Variants in PTCD3 observed in about 807,000 individuals in gnomAD.
The protein encoded by PTCD3 is pentatricopeptide repeat domain 3.
Under a neutral mutation model 101.9 loss-of-function variants are expected in PTCD3, and 89 were observed. The ratio of observed to expected loss-of-function variants is 0.87; its 90% CI spans 0.74 to 1.04. The LOEUF (loss-of-function observed/expected upper bound fraction) is 1.04. Ranked by LOEUF, PTCD3 falls within the 50% of genes least tolerant of loss-of-function variation. PTCD3 has a pLI of 0.00. For missense variants in PTCD3, 870 were observed against 828.2 expected, an observed-to-expected ratio of 1.05 and a Z score of -0.62; for synonymous variants, 296 against 278.5, an observed-to-expected ratio of 1.06 and a Z score of -0.63.
chr2:86,132,592 A>T, intron 17 of PTCD3, 168 bp downstream of exon 17: 2 of 420,644 alleles, frequency 4.8e-6, no homozygotes, highest in Non-Finnish European at 4.2e-6. Context: ...AAACTGCCAG[A>T]TTTGAAAGAC....
intron 7 of PTCD3, among the ~76,000 whole-genome samples, chr2:86,120,078 G>A (rs1482912246): frequency 1.3e-5 from 2 of 152,268 alleles, no homozygotes; most frequent in Non-Finnish European, 2.9e-5. Context: ...GAGAATTTTG[G>A]TGTGTGGCTT....
intron 3 of PTCD3, among the ~76,000 whole-genome samples, chr2:86,109,510 C>A (rs542594323): frequency 6.6e-6 from 1 of 152,164 alleles, no homozygotes; most frequent in East Asian, 1.9e-4. Context: ...CCAGTGATGT[C>A]AATGCATAGG....
In PTCD3 at chr2:86,111,126, G is replaced by A. The variant is rs78436829; in HGVS notation, c.208G>A (p.Val70Ile). Residue 70 changes from valine (V) to isoleucine (I), a missense_variant, in exon 4 of 24, where the codon GTT (valine) becomes ATT (isoleucine). By Grantham distance (29) the Val-to-Ile change is conservative (BLOSUM62 3). Coordinates refer to ENST00000254630, the MANE Select transcript of PTCD3 (RefSeq NM_017952.6). ...PKKKTWDKVA[V>I]LQALASTVNR... ...TCTTATTTTTAGGGATAAAGTAGCC[G>A]TTCTTCAGGCACTTGCATCCACAGT... 7,939 of 1,613,586 alleles carry A rather than the reference G, an allele frequency of 4.9e-3. 34 individuals are homozygous for A. Among genetic ancestry groups the A allele is most frequent in the South Asian group, 6.0e-3 (546 of 91,062 alleles).
At chr2:86,108,710 A>C in intron 3 of PTCD3, 174 bp downstream of exon 3, 3 of 549,008 alleles carry the variant, frequency 5.5e-6, no homozygotes, top group Non-Finnish European at 9.6e-6. Flanking sequence ...AAAGGTGGAG[A>C]ATAGTGAGTG....
At chr2:86,106,706 G>C (rs969131207) in intron 1 of PTCD3, among the ~76,000 whole-genome samples, 1 of 152,196 alleles carries the variant, frequency 6.6e-6, no homozygotes, top group African/African-American at 2.4e-5. Flanking sequence ...CAGGAGGAGC[G>C]AGGAGAACGT....
intron 11 of PTCD3, 138 bp from the exon 12 acceptor site, chr2:86,125,657 C>T (rs1358880971): frequency 9.1e-7 from 1 of 1,099,550 alleles, no homozygotes; most frequent in East Asian, 2.5e-5. Flanking sequence ...GAGTAGAGAT[C>T]CAGAGAGGAG....
At chr2:86,111,271 T>C in intron 4 of PTCD3, 113 bp downstream of exon 4, 1 of 1,008,898 alleles carries the variant, frequency 9.9e-7, no homozygotes, top group African/African-American at 1.6e-5. Flanking sequence ...AGAATTAAAC[T>C]GTTGTGCGTC....
In PTCD3 at chr2:86,135,951, A is replaced by T. The variant is rs3770069; in HGVS notation, c.1779-570A>T. ...TGTATGTGTTTCTCCTTTGTCCTGC[A>T]TGTGGCAGGCTGATGGGGAGCACTT... On this transcript the variant is annotated intron_variant, in intron 21 of 23. Transcript: ENST00000254630. 2.3e-5 allele frequency: 12 copies of T among 518,884 alleles called. No individual in the cohort carries two copies. In the Admixed American group the frequency reaches 2.3e-4, roughly 10 times the overall value. The allele number at this position is 518,884 out of a possible 1,614,324, so 32.1% of individuals were successfully genotyped here. A position where few individuals can be genotyped will look rare whatever the true frequency, so the allele number is the denominator to read the frequency against.
At chr2:86,106,396 CT>C in intron 1 of PTCD3, 45 bp downstream of exon 1, 1 of 1,576,710 alleles carries the variant, frequency 6.3e-7, no homozygotes, top group South Asian at 1.1e-5. Flanking sequence ...GCGGAGTCAC[CT>C]TAGTCCTATG....
intron 9 of PTCD3, among the ~76,000 whole-genome samples, chr2:86,124,009 G>C (rs980442261): frequency 1.6e-4 from 25 of 152,088 alleles, no homozygotes; most frequent in African/African-American, 5.5e-4. Context: ...GTTTAACTCA[G>C]CATAACTTTC....
In PTCD3 at chr2:86,125,881, G is replaced by A. The variant is rs1221199291; in HGVS notation, c.951+1G>A. ...TGAGGAAAAATGGAGTAAAATACTG[G>A]TAAGGAGGAATCCTCAGTTTATTTT... On this transcript the variant is annotated splice_donor_variant, in intron 12 of 23. Transcript: ENST00000254630. LOFTEE classifies it high-confidence loss of function. The A allele has an allele frequency of 6.3e-7, 1 of 1,582,186 alleles. No individual in the cohort carries two copies. The highest frequency in any genetic ancestry group is 1.7e-5 in the Admixed American group (1 of 59,648).
chr2:86,140,548 A>G lies in PTCD3; in HGVS notation c.*2989A>G, dbSNP rs1173200865. 1.3e-5 allele frequency: 2 copies of G among 152,200 alleles called. No homozygotes were observed. Among genetic ancestry groups the G allele is most frequent in the Non-Finnish European group, 2.9e-5 (2 of 68,044 alleles). 9.4% of individuals were successfully genotyped at this position (152,200 alleles called of 1,614,324 possible). A position where few individuals can be genotyped will look rare whatever the true frequency, so the allele number is the denominator to read the frequency against. Reference sequence around the variant, plus strand: ...TGATGTAAATTTTTTACTGCTGGTCATGGTCAAAAAGTAAGATACGCTAGG... The same window carrying G: ...TGATGTAAATTTTTTACTGCTGGTCGTGGTCAAAAAGTAAGATACGCTAGG... On this transcript the variant is annotated 3_prime_UTR_variant, in exon 24 of 24. Coordinates refer to ENST00000254630, the MANE Select transcript of PTCD3 (RefSeq NM_017952.6).
chr2:86,134,509 A>G, intron 20 of PTCD3, 132 bp downstream of exon 20: 1 of 734,590 alleles, frequency 1.4e-6, no homozygotes, highest in South Asian at 1.9e-5. Flanking sequence ...ATACATCTAA[A>G]CATATCTTGC....
chr2:86,126,237 AAAAAAAG>A (rs1326006617), intron 12 of PTCD3, among the ~76,000 whole-genome samples: 20 of 151,022 alleles, frequency 1.3e-4, no homozygotes, highest in Non-Finnish European at 2.7e-4. Context: ...CTCAAAAAAA[AAAAAAAG>A]AAAAAGAAAC....
intron 19 of PTCD3, among the ~76,000 whole-genome samples, chr2:86,133,730 C>G (rs889662977): frequency 1.3e-5 from 2 of 152,204 alleles, no homozygotes; most frequent in Non-Finnish European, 2.9e-5. Flanking sequence ...GTGGCAGACC[C>G]TAAATCTGAA....
At chr2:86,118,201 T>A (rs1674211050) in intron 6 of PTCD3, among the ~76,000 whole-genome samples, 1 of 152,246 alleles carries the variant, frequency 6.6e-6, no homozygotes, top group African/African-American at 2.4e-5. Flanking sequence ...ATATCTAGCC[T>A]AGATCCCTTT....
In PTCD3 at chr2:86,121,609, C is replaced by T. The variant is rs763372203; in HGVS notation, c.654+15C>T. The T allele has an allele frequency of 1.1e-5, 16 of 1,522,952 alleles. No individual in the cohort carries two copies. The Admixed American group carries it at 2.8e-4, about 27-fold the overall frequency. 94.3% of individuals were successfully genotyped at this position (1,522,952 alleles called of 1,614,324 possible). ...CAGAAGCATTGGTAATAACTGTTGG[C>T]CTTGATTTTTTTTTTTCCTTAAGCT... On this transcript the variant is annotated intron_variant, in intron 8 of 23. Transcript: ENST00000254630.
intron 21 of PTCD3, among the ~76,000 whole-genome samples, 187 bp from the exon 22 acceptor site, chr2:86,136,334 C>G (rs1299536265): frequency 6.7e-6 from 1 of 148,246 alleles, no homozygotes; most frequent in African/African-American, 2.5e-5. Flanking sequence ...AGTTTAAGCA[C>G]CTGCGGTGAT....
intron 4 of PTCD3, among the ~76,000 whole-genome samples, chr2:86,114,270 G>A (rs1674141853): frequency 1.3e-5 from 2 of 152,036 alleles, no homozygotes; most frequent in African/African-American, 4.8e-5. Flanking sequence ...GACTGAGAAA[G>A]GAATTCTTTT....
Sources: allele counts gnomAD v4.1 joint callset (sites outside exome capture counted in the v4.1 genomes callset), GRCh38; gene constraint gnomAD v4.1.1; transcripts MANE v1.5; gene names NCBI Gene and HGNC (gene_info 2026-07-23, HGNC 2026-07-21).